HTR7: variants seen among roughly 807,000 people sequenced by gnomAD.
The protein encoded by HTR7 is 5-HT-7.
A neutral mutation model predicts 34.0 loss-of-function variants in HTR7; 16 were observed. That is an observed-to-expected ratio of 0.47 (90% CI 0.32 to 0.71). HTR7 has a LOEUF of 0.71. Among genes scored for constraint, HTR7 ranks in the 30% least tolerant of loss-of-function variants. The probability of loss-of-function intolerance (pLI) is 0.04; values close to 1 mark genes in which losing one functional copy is unlikely to be tolerated. For synonymous variants in HTR7, 265 were observed against 260.2 expected (o/e 1.02, Z -0.18); for missense variants, 504 against 625.5 (o/e 0.81, Z 2.07).
At chr10:90,797,732 T>C (rs2119907476) in intron 1 of HTR7, among the ~76,000 whole-genome samples, 1 of 152,382 alleles carries the variant, frequency 6.6e-6, no homozygotes, top group Middle Eastern at 3.4e-3. Flanking sequence ...ATTATCAGGG[T>C]AGATAACTGT....
At chr10:90,797,104 G>A (rs1270724240) in intron 1 of HTR7, among the ~76,000 whole-genome samples, 2 of 152,050 alleles carry the variant, frequency 1.3e-5, no homozygotes, top group African/African-American at 2.4e-5. Context: ...TATGATAAAG[G>A]TATGTCCTCA....
At chr10:90,842,761 T>A (rs1030373280) in intron 1 of HTR7, among the ~76,000 whole-genome samples, 1 of 151,640 alleles carries the variant, frequency 6.6e-6, no homozygotes, top group Admixed American at 6.6e-5. Flanking sequence ...ATTTTGCCTA[T>A]GTTCTCACAC....
chr10:90,793,022 CA>C (rs1327372068), intron 1 of HTR7, among the ~76,000 whole-genome samples: 2 of 152,054 alleles, frequency 1.3e-5, no homozygotes, highest in African/African-American at 4.8e-5. Flanking sequence ...CACCAAAGCA[CA>C]GGCAGCAAAA....
chr10:90,769,076 C>T (rs1402347786), intron 1 of HTR7, among the ~76,000 whole-genome samples: 1 of 152,172 alleles, frequency 6.6e-6, no homozygotes, highest in Non-Finnish European at 1.5e-5. Context: ...GGGTGTGTGT[C>T]CCAGAGCCAT....
intron 1 of HTR7, among the ~76,000 whole-genome samples, chr10:90,794,552 G>A (rs966573113): frequency 1.3e-5 from 2 of 152,074 alleles, no homozygotes; most frequent in Admixed American, 6.6e-5. Flanking sequence ...GGAGTGCAGT[G>A]GTGCAGTCAT....
intron 1 of HTR7, among the ~76,000 whole-genome samples, chr10:90,836,657 G>T (rs576744706): frequency 2.6e-5 from 4 of 151,794 alleles, no homozygotes; most frequent in African/African-American, 9.7e-5. Flanking sequence ...ACTTACAGGC[G>T]TGTACCACCA....
At position 90,768,547 on chromosome 10, in the gene HTR7, T is replaced by C. The variant is rs146373112; in HGVS notation, c.540-18953A>G. ...TACAAATATGTTCTTATCTCCCTCT[T>C]TCTTAAATGTAAGATAGCATACTGG... On this transcript the variant is annotated intron_variant, in intron 1 of 3. Coordinates refer to ENST00000336152, the MANE Select transcript of HTR7 (RefSeq NM_019859.4). 3.5e-3 allele frequency among the ~76,000 whole-genome samples: 530 copies of C among 152,318 alleles called. 2 individuals carry two copies. The highest frequency in any genetic ancestry group is 0.012 in the African/African-American group (514 of 41,570).
intron 1 of HTR7, among the ~76,000 whole-genome samples, chr10:90,829,562 CCT>C (rs1483582663): frequency 6.6e-6 from 1 of 152,020 alleles, no homozygotes; most frequent in East Asian, 1.9e-4. Flanking sequence ...TGTTCCCCTC[CCT>C]GTGAAGGATC....
chr10:90,806,606 A>T (rs1410096146), intron 1 of HTR7, among the ~76,000 whole-genome samples: 1 of 152,042 alleles, frequency 6.6e-6, no homozygotes, highest in African/African-American at 2.4e-5. Flanking sequence ...CTCAAAAAAA[A>T]CAAAATAAAA....
chr10:90,786,920 C>T (rs1239238927), intron 1 of HTR7, among the ~76,000 whole-genome samples: 2 of 152,164 alleles, frequency 1.3e-5, no homozygotes, highest in Non-Finnish European at 2.9e-5. Flanking sequence ...GGGAAAAAAT[C>T]ATCGTCTGCG....
intron 1 of HTR7, among the ~76,000 whole-genome samples, chr10:90,806,298 T>C (rs979723245): frequency 6.6e-6 from 1 of 152,268 alleles, no homozygotes; most frequent in South Asian, 2.1e-4. Flanking sequence ...AGCTGTGCTG[T>C]ATTAAGTTCC....
At chr10:90,834,586 C>T (rs1935349) in intron 1 of HTR7, among the ~76,000 whole-genome samples, 32,358 of 151,970 alleles carry the variant, frequency 0.21, 4,447 homozygotes, top group African/African-American at 0.38. Flanking sequence ...GATAGATCTG[C>T]TCATGTCTGG....
Position 90,789,488 on chromosome 10 carries a change from G to T in HTR7, c.540-39894C>A, listed in dbSNP as rs74438784. ...TGCATCTGCCTGAACTGAAAAGAAG[G>T]TGGAAAGGTTCACTGGGAAAATCAA... On this transcript the variant is annotated intron_variant, in intron 1 of 3. Transcript: ENST00000336152. 6.9e-3 allele frequency among the ~76,000 whole-genome samples: 1,047 copies of T among 152,296 alleles called. 13 individuals are homozygous for T. The highest frequency in any genetic ancestry group is 0.024 in the African/African-American group (982 of 41,566).
chr10:90,749,401 C>T lies in HTR7; in HGVS notation c.733G>A (p.Ala245Thr), dbSNP rs1259010208. The T allele has an allele frequency of 1.1e-5, 17 of 1,614,090 alleles. No homozygotes were observed. The highest frequency in any genetic ancestry group is 2.2e-5 in the South Asian group (2 of 91,072). ...QDFGYTIYST[A>T]VAFYIPMSVM... ...GACATGGGGATATAAAATGCCACTG[C>T]GGTAGAGTAAATCGTATAGCCAAAG... The change falls in exon 2 of 4, where the codon GCA becomes ACA. Residue 245 changes from alanine to threonine, a missense_variant. Physicochemically the swap from Ala to Thr is moderately conservative, Grantham distance 58. Coordinates refer to ENST00000336152, the MANE Select transcript of HTR7 (RefSeq NM_019859.4). This position sits in a 1 kb window ranked among gnomAD's most constrained non-coding sequence, Gnocchi z 4.2.
chr10:90,769,958 G>A (rs980288856), intron 1 of HTR7, among the ~76,000 whole-genome samples: 60 of 152,350 alleles, frequency 3.9e-4, no homozygotes, highest in African/African-American at 1.3e-3. Context: ...AAGGAGGTGC[G>A]AGTGGTGGCA....
chr10:90,843,343 C>G (rs1337688404), intron 1 of HTR7, among the ~76,000 whole-genome samples: 1 of 152,120 alleles, frequency 6.6e-6, no homozygotes, highest in East Asian at 1.9e-4. Context: ...TAAATCATGA[C>G]TTTATTACAG....
chr10:90,855,675 T>C (rs1227695704), intron 1 of HTR7, among the ~76,000 whole-genome samples: 1 of 152,206 alleles, frequency 6.6e-6, no homozygotes, highest in Non-Finnish European at 1.5e-5. Context: ...TAAATACATA[T>C]GTTTTGTCAT....
intron 2 of HTR7, 28 bp downstream of exon 2, chr10:90,748,811 A>G: frequency 6.3e-7 from 1 of 1,576,756 alleles, no homozygotes; most frequent in Admixed American, 1.9e-5. Flanking sequence ...TTGGGGGATA[A>G]AAGGAAAATA....
chr10:90,834,814 C>A (rs770311446), intron 1 of HTR7, among the ~76,000 whole-genome samples: 1 of 152,068 alleles, frequency 6.6e-6, no homozygotes, highest in Non-Finnish European at 1.5e-5. Context: ...TTAGGTAAAG[C>A]AAGTTATAAG....
Sources: gnomAD v4.1 joint callset for allele counts (sites outside exome capture counted in the v4.1 genomes callset) on GRCh38, gnomAD v4.1.1 for gene constraint, Gnocchi (gnomAD v3.1) non-coding constraint, MANE v1.5 for transcripts, NCBI Gene and HGNC (gene_info 2026-07-23, HGNC 2026-07-21) for gene names.